ZNF714: variants seen among roughly 807,000 people sequenced by gnomAD.
ZNF714 encodes zinc finger protein 714.
A neutral mutation model predicts 46.2 loss-of-function variants in ZNF714; 32 were observed. The observed-to-expected ratio is 0.69, with a 90% CI of 0.52 to 0.93. The LOEUF is 0.93. Among genes scored for constraint, ZNF714 ranks in the 40% least tolerant of loss-of-function variants. The pLI is 0.00. For missense variants in ZNF714, 635 were observed against 646.3 expected (o/e 0.98, Z 0.19); for synonymous variants, 199 against 213.1 (o/e 0.93, Z 0.58).
intron 4 of ZNF714, among the ~76,000 whole-genome samples, chr19:21,109,009 G>A (rs1324315063): frequency 6.6e-6 from 1 of 152,078 alleles, no homozygotes; most frequent in Non-Finnish European, 1.5e-5. Context: ...GTAATACTGT[G>A]TTTGTCCTAT....
At position 21,121,288 on chromosome 19, in the gene ZNF714, G is replaced by C. The variant is rs1351976729; in HGVS notation, c.*2956G>C. On this transcript the variant is annotated 3_prime_UTR_variant, in exon 5 of 5. Transcript: ENST00000456283. ...CCTCGTGATCTGGTCTCGATCTCCT[G>C]ACCTCATGATCTGCCTGCCTTGACC... is the stretch of plus-strand genomic sequence containing the variant. The C allele has an allele frequency of 6.6e-6, 1 of 152,026 alleles. No homozygotes were observed. Among genetic ancestry groups the C allele is most frequent in the African/African-American group, 2.4e-5 (1 of 41,354 alleles). 9.4% of individuals were successfully genotyped at this position (152,026 alleles called of 1,614,324 possible).
chr19:21,091,551 G>A (rs1968909972), intron 2 of ZNF714: 1 of 151,972 alleles, frequency 6.6e-6, no homozygotes, highest in South Asian at 2.1e-4. Context: ...TAAGAAAAGA[G>A]AGCACCATCT....
chr19:21,086,170 T>A (rs1038465355), intron 2 of ZNF714, among the ~76,000 whole-genome samples: 15 of 152,158 alleles, frequency 9.9e-5, no homozygotes, highest in African/African-American at 3.4e-4. Flanking sequence ...CTGTGAAAAA[T>A]TTTATTTAGA....
In ZNF714 at chr19:21,114,612, A is replaced by G. The variant is rs375520389; in HGVS notation, c.143-2195A>G. On this transcript the variant is annotated intron_variant, in intron 4 of 4. Transcript: ENST00000456283. ...GACTCTTTATCCAGTTTGCCCTTCT[A>G]TGTCTTTCAATTGAGGCATTCAGCC... is the stretch of plus-strand genomic sequence containing the variant. Among the ~76,000 whole-genome samples, 80 of 152,126 alleles carry G rather than the reference A, an allele frequency of 5.3e-4. No homozygotes were observed. The South Asian group carries it at 0.012, about 23-fold the overall frequency.
intron 2 of ZNF714, among the ~76,000 whole-genome samples, chr19:21,090,691 A>T (rs776774072): frequency 3.9e-5 from 6 of 152,056 alleles, no homozygotes; most frequent in Non-Finnish European, 5.9e-5. Flanking sequence ...GGGTTCTTGG[A>T]TCTCGCTCAA....
At position 21,117,221 on chromosome 19, in the gene ZNF714, C is replaced by T. The variant is rs1969617494; in HGVS notation, c.557C>T (p.Ser186Leu). Residue 186 changes from serine to leucine, a missense_variant, in exon 5 of 5, where the codon TCA becomes TTA. Coordinates refer to ENST00000456283, the MANE Select transcript of ZNF714 (RefSeq NM_182515.4). ...EECDKVFKRF[S>L]TLTRHKRVHT... ...TGTGACAAAGTGTTTAAGCGGTTCT[C>T]AACCCTTACTAGACACAAGAGAGTT... 1.2e-6 allele frequency: 2 copies of T among 1,613,914 alleles called. No homozygotes were observed. The highest frequency in any genetic ancestry group is 1.1e-5 in the South Asian group (1 of 91,080).
At chr19:21,093,678 G>C (rs909535929) in intron 2 of ZNF714, among the ~76,000 whole-genome samples, 1 of 151,792 alleles carries the variant, frequency 6.6e-6, no homozygotes, top group African/African-American at 2.4e-5. Context: ...CTGTTGCAAA[G>C]GCTGAAGTGC....
At chr19:21,110,615 C>A (rs1373355984) in intron 4 of ZNF714, among the ~76,000 whole-genome samples, 1 of 152,088 alleles carries the variant, frequency 6.6e-6, no homozygotes, top group Non-Finnish European at 1.5e-5. Flanking sequence ...TCAATGTTTG[C>A]TTTTGTTGCA....
Position 21,116,976 on chromosome 19 carries a change from A to G in ZNF714, c.312A>G (p.Glu104=), listed in dbSNP as rs760641443. The change falls in exon 5 of 5, where the codon GAA becomes GAG. Residue 104 remains glutamate, a synonymous_variant. Transcript: ENST00000456283. ...AGGTGTACAAAAAAGGTTATAATGA[A>G]CTAAACCAGTGTTTGACAACTACCC... ...ECKVYKKGYN[E]LNQCLTTTQS... 62 of 1,613,802 alleles carry G rather than the reference A, an allele frequency of 3.8e-5. No homozygotes were observed. The African/African-American group carries it at 4.8e-4, about 13-fold the overall frequency.
intron 2 of ZNF714, among the ~76,000 whole-genome samples, chr19:21,096,180 T>C (rs564528865): frequency 6.6e-6 from 1 of 152,268 alleles, no homozygotes; most frequent in African/African-American, 2.4e-5. Flanking sequence ...AAGAGGAACA[T>C]ATATTTTTAT....
chr19:21,111,890 G>T (rs4808275), intron 4 of ZNF714, among the ~76,000 whole-genome samples: 124,490 of 152,156 alleles, frequency 0.82, 52,917 homozygotes, highest in Middle Eastern at 0.93. Flanking sequence ...TGTTTATCGA[G>T]TTTTGTATGT....
In ZNF714 at chr19:21,119,248, C is replaced by T. The variant is rs544476842; in HGVS notation, c.*916C>T. The T allele has an allele frequency of 1.5e-5, 5 of 328,892 alleles. No homozygotes were observed. The allele number at this position is 328,892 out of a possible 1,614,324, so 20.4% of individuals were successfully genotyped here. A position where few individuals can be genotyped will look rare whatever the true frequency, so the allele number is the denominator to read the frequency against. On this transcript the variant is annotated 3_prime_UTR_variant, in exon 5 of 5. Transcript: ENST00000456283. ...TGAAACCCCATCTCTACTAAAAATA[C>T]AACAATTAGCCGGTTGCGGTGGTGG...
Position 21,117,346 on chromosome 19 carries a change from C to T in ZNF714, c.682C>T (p.Pro228Ser), listed in dbSNP as rs890995970. 6.2e-7 allele frequency: 1 copy of T among 1,612,216 alleles called. No homozygotes were observed. The highest frequency in any genetic ancestry group is 8.5e-7 in the Non-Finnish European group (1 of 1,178,674). Residue 228 changes from proline to serine, a missense_variant, in exon 5 of 5, where the codon CCC becomes TCC. Transcript: ENST00000456283. ...TAAGATGATTCATACTGGAGAGAAACCCTACAGATGTGAAGAATGTGGCAA... is the reference window on the plus strand; with the variant it reads ...TAAGATGATTCATACTGGAGAGAAATCCTACAGATGTGAAGAATGTGGCAA... Reference protein sequence around the residue: ...THKMIHTGEKPYRCEECGKAF... With the variant: ...THKMIHTGEKSYRCEECGKAF...
chr19:21,108,829 A>C lies in ZNF714; in HGVS notation c.143-7978A>C, dbSNP rs141786267. ...ATCTGAATTTTCTATTTATTATTGC[A>C]AATGATGTCTTGATCTCTACAATTA... is the stretch of plus-strand genomic sequence containing the variant. On this transcript the variant is annotated intron_variant, in intron 4 of 4. Coordinates refer to ENST00000456283, the MANE Select transcript of ZNF714 (RefSeq NM_182515.4). Among the ~76,000 whole-genome samples, 1,013 of 152,330 alleles carry C rather than the reference A, an allele frequency of 6.7e-3. 12 individuals are homozygous for C. The highest frequency in any genetic ancestry group is 0.022 in the African/African-American group (922 of 41,562).
chr19:21,124,216 A>AT lies in ZNF714; in HGVS notation c.*5889dup, dbSNP rs1425581131. 4 of 152,164 alleles carry AT rather than the reference A, an allele frequency of 2.6e-5. No homozygotes were observed. The highest frequency in any genetic ancestry group is 4.4e-5 in the Non-Finnish European group (3 of 68,024). The allele number at this position is 152,164 out of a possible 1,614,324, so 9.4% of individuals were successfully genotyped here. On this transcript the variant is annotated 3_prime_UTR_variant, in exon 5 of 5. Coordinates refer to ENST00000456283, the MANE Select transcript of ZNF714 (RefSeq NM_182515.4). ...TGACAATAATAGCCCCAAAATACAT[A>AT]TTTTTGATACTATTTAGCCAAGATT...
Position 21,119,372 on chromosome 19 carries a change from G to A in ZNF714, c.*1040G>A, listed in dbSNP as rs1408212327. 5.5e-5 allele frequency: 12 copies of A among 218,066 alleles called. No individual in the cohort carries two copies. The highest frequency in any genetic ancestry group is 1.0e-4 in the South Asian group (2 of 20,084). The allele number at this position is 218,066 out of a possible 1,614,324, so 13.5% of individuals were successfully genotyped here. On this transcript the variant is annotated 3_prime_UTR_variant, in exon 5 of 5. Coordinates refer to ENST00000456283, the MANE Select transcript of ZNF714 (RefSeq NM_182515.4). ...GAGCTGAGATTGCACTCTAGCCTGG[G>A]CCACAGAGCAAGACTCCATCTAAAA...
rs1315484156 is a variant in ZNF714 at position 21,122,616 on chromosome 19, T to A, written c.*4284T>A. 6.6e-6 allele frequency: 1 copy of A among 151,488 alleles called. No homozygotes were observed. Among genetic ancestry groups the A allele is most frequent in the African/African-American group, 2.4e-5 (1 of 41,212 alleles). 9.4% of individuals were successfully genotyped at this position (151,488 alleles called of 1,614,324 possible). On this transcript the variant is annotated 3_prime_UTR_variant, in exon 5 of 5. Coordinates refer to ENST00000456283, the MANE Select transcript of ZNF714 (RefSeq NM_182515.4). The stretch of plus-strand genomic sequence containing the variant: ...AGAATGAGACTCATAAAAAAAAAAA[T>A]AAATTCTGCTTCTTTTATTTTCTAC...
At position 21,118,018 on chromosome 19, in the gene ZNF714, C is replaced by T. The variant is rs182226945; in HGVS notation, c.1354C>T (p.Pro452Ser). 2 of 1,613,632 alleles carry T rather than the reference C, an allele frequency of 1.2e-6. No homozygotes were observed. The highest frequency in any genetic ancestry group is 2.2e-5 in the East Asian group (1 of 44,862). The part of the protein sequence containing the change: ...THKRIHTGEK[P>S]YKCEECGKAF... Reference sequence around the variant, plus strand: ...TAAGAGAATTCACACTGGAGAGAAACCCTACAAATGTGAAGAATGTGGCAA... The same window carrying T: ...TAAGAGAATTCACACTGGAGAGAAATCCTACAAATGTGAAGAATGTGGCAA... Residue 452 changes from proline to serine, a missense_variant, in exon 5 of 5, where the codon CCC becomes TCC. By Grantham distance (74) the Pro-to-Ser change is moderately conservative (BLOSUM62 -1). Coordinates refer to ENST00000456283, the MANE Select transcript of ZNF714 (RefSeq NM_182515.4).
chr19:21,104,076 TTAAGATATCTCATA>T (rs1335838662), intron 4 of ZNF714, among the ~76,000 whole-genome samples: 44 of 151,754 alleles, frequency 2.9e-4, no homozygotes, highest in African/African-American at 1.0e-3. Context: ...GTGTGACTGC[TTAAGATATCTCATA>T]TACATAGTGG....
Sources: allele counts gnomAD v4.1 joint callset (sites outside exome capture counted in the v4.1 genomes callset), GRCh38; gene constraint gnomAD v4.1.1; transcripts MANE v1.5; gene names NCBI Gene and HGNC (gene_info 2026-07-23, HGNC 2026-07-21).